TTC39C: variants seen among roughly 807,000 people sequenced by gnomAD.
TTC39C encodes the protein tetratricopeptide repeat protein 39C.
A neutral mutation model predicts 76.3 loss-of-function variants in TTC39C; 33 were observed. The ratio of observed to expected loss-of-function variants is 0.43; its 90% CI spans 0.33 to 0.58. TTC39C has a LOEUF of 0.58. Among genes scored for constraint, TTC39C ranks in the 20% least tolerant of loss-of-function variants. The probability of loss-of-function intolerance (pLI) is 0.04; values close to 1 mark genes in which losing one functional copy is unlikely to be tolerated. For missense variants in TTC39C, 595 were observed against 701.4 expected (o/e 0.85, Z 1.71); for synonymous variants, 254 against 260.6 (o/e 0.97, Z 0.24).
At chr18:24,022,903 C>T (rs1342734873) in intron 1 of TTC39C, 1 of 980,598 alleles carries the variant, frequency 1.0e-6, no homozygotes. Context: ...TTGTATGACT[C>T]CTCTGCACTC....
rs1156578816 is a variant in TTC39C, at chr18:24,045,927, A to ATT, written c.168-18185_168-18184dup. Reference sequence around the variant, plus strand: ...TATATATATATATATATATATATATATTTTTTTTTTTTTTTTTTTTTTTTT... The same window carrying ATT: ...TATATATATATATATATATATATATATTTTTTTTTTTTTTTTTTTTTTTTTTT... On this transcript the variant is annotated intron_variant, in intron 1 of 13. Coordinates refer to ENST00000317571, the MANE Select transcript of TTC39C (RefSeq NM_001135993.2). 1.1e-3 allele frequency among the ~76,000 whole-genome samples: 28 copies of ATT among 25,674 alleles called. 1 individual carries two copies. Among genetic ancestry groups the ATT allele is most frequent in the East Asian group, 4.0e-3 (3 of 748 alleles). The allele number at this position is 25,674 out of a possible 152,430, so 16.8% of individuals were successfully genotyped here.
chr18:24,084,810 C>A (rs73404259), intron 6 of TTC39C, among the ~76,000 whole-genome samples: 23,310 of 151,958 alleles, frequency 0.15, 2,923 homozygotes, highest in African/African-American at 0.34. Context: ...TACTGCTGTG[C>A]GACACCATGC....
intron 8 of TTC39C, among the ~76,000 whole-genome samples, chr18:24,120,441 G>A (rs2084951228): frequency 6.6e-6 from 1 of 152,184 alleles, no homozygotes; most frequent in Non-Finnish European, 1.5e-5. Context: ...AGAGGGCATG[G>A]GCATTCAGGG....
In TTC39C at chr18:24,091,521, C is replaced by G. The variant is rs185869451; in HGVS notation, c.984+8440C>G. Among the ~76,000 whole-genome samples the G allele has an allele frequency of 2.3e-4, 35 of 152,316 alleles. No homozygotes were observed. In the East Asian group the frequency reaches 3.9e-3, roughly 17 times the overall value. ...ACAAGAAAATTAACTCAAAGCGGAT[C>G]ATAGACCTAAATGTAAGATCTAAAA... On this transcript the variant is annotated intron_variant, in intron 6 of 13. Coordinates refer to ENST00000317571, the MANE Select transcript of TTC39C (RefSeq NM_001135993.2).
intron 7 of TTC39C, among the ~76,000 whole-genome samples, chr18:24,116,827 T>TG (rs1321955181): frequency 1.4e-5 from 2 of 145,834 alleles, no homozygotes; most frequent in Non-Finnish European, 3.0e-5. Flanking sequence ...TAGTTTTTTT[T>TG]TTTTTTTTTT....
At chr18:24,049,681 G>A (rs137901309) in intron 1 of TTC39C, among the ~76,000 whole-genome samples, 22 of 152,296 alleles carry the variant, frequency 1.4e-4, no homozygotes, top group East Asian at 7.7e-4. Flanking sequence ...GCTAGAGGCC[G>A]AGCAGGAACC....
intron 1 of TTC39C, among the ~76,000 whole-genome samples, chr18:24,024,353 C>T (rs918565827): frequency 6.6e-6 from 1 of 151,650 alleles, no homozygotes; most frequent in Non-Finnish European, 1.5e-5. Context: ...CACCTTTATC[C>T]GATGATAAAA....
intron 3 of TTC39C, among the ~76,000 whole-genome samples, chr18:24,067,748 C>G (rs1348624582): frequency 1.3e-5 from 2 of 152,126 alleles, no homozygotes; most frequent in African/African-American, 2.4e-5. Flanking sequence ...GAATGCTGCT[C>G]TAATTCATTG....
In TTC39C at chr18:24,006,212, T is replaced by A. The variant is rs1026853366; in HGVS notation, c.-17+13174T>A. Reference sequence around the variant, plus strand: ...ATTTTTTATAGAGTTGGGGTTTTGCTATGTTGCTCAGGCTGGTCTCAAACT... The same window carrying A: ...ATTTTTTATAGAGTTGGGGTTTTGCAATGTTGCTCAGGCTGGTCTCAAACT... On this transcript the variant is annotated intron_variant, in intron 1 of 13. Transcript: ENST00000304621. Among the ~76,000 whole-genome samples, 3 of 152,016 alleles carry A rather than the reference T, an allele frequency of 2.0e-5. No individual in the cohort carries two copies. In the South Asian group the frequency reaches 6.2e-4, roughly 32 times the overall value.
At chr18:24,028,247 G>C (rs1374213774) in intron 1 of TTC39C, among the ~76,000 whole-genome samples, 1 of 152,180 alleles carries the variant, frequency 6.6e-6, no homozygotes, top group East Asian at 1.9e-4. Context: ...TGCTGTGGTG[G>C]AATCTCAGAG....
At chr18:24,016,576 C>T (rs1462690751) in intron 1 of TTC39C, 4 of 396,770 alleles carry the variant, frequency 1.0e-5, no homozygotes, top group Middle Eastern at 6.3e-4. Flanking sequence ...TCTTTTTTAA[C>T]CCTTCTTTAG....
chr18:24,011,538 A>G (rs78758043), upstream of TTC39C, among the ~76,000 whole-genome samples: 1,809 of 152,332 alleles, frequency 0.012, 36 homozygotes, highest in African/African-American at 0.042. Flanking sequence ...TGTTGAAGCC[A>G]GGGATACAGC....
intron 1 of TTC39C, among the ~76,000 whole-genome samples, chr18:24,044,996 C>T (rs56162339): frequency 0.62 from 93,907 of 151,800 alleles, 33,067 homozygotes; most frequent in East Asian, 0.86. Flanking sequence ...GGGCCAGGTG[C>T]GGTGGCTCAC....
chr18:24,091,596 G>A (rs2084517154), intron 6 of TTC39C, among the ~76,000 whole-genome samples: 1 of 152,124 alleles, frequency 6.6e-6, no homozygotes, highest in South Asian at 2.1e-4. Flanking sequence ...GACACTAAAA[G>A]CACAATGACA....
rs562004008 is a variant in TTC39C at position 24,056,201 on chromosome 18, A to G, written c.168-7939A>G. ...CATTAAGAGCAGCAGGGGTGAGTACATGCAGTTTTTTCTTCAACCCTCAGA... is the reference window on the plus strand; with the variant it reads ...CATTAAGAGCAGCAGGGGTGAGTACGTGCAGTTTTTTCTTCAACCCTCAGA... On this transcript the variant is annotated intron_variant, in intron 1 of 13. Coordinates refer to ENST00000317571, the MANE Select transcript of TTC39C (RefSeq NM_001135993.2). Among the ~76,000 whole-genome samples, 11 of 152,174 alleles carry G rather than the reference A, an allele frequency of 7.2e-5. No homozygotes were observed. The South Asian group carries it at 1.4e-3, about 20-fold the overall frequency.
At chr18:24,122,311 G>C (rs992131361) in intron 8 of TTC39C, among the ~76,000 whole-genome samples, 1 of 151,862 alleles carries the variant, frequency 6.6e-6, no homozygotes, top group African/African-American at 2.4e-5. Flanking sequence ...GAGTACAAGA[G>C]GCCAATATGG....
intron 1 of TTC39C, among the ~76,000 whole-genome samples, chr18:24,028,705 A>AAC (rs1316655045): frequency 6.6e-6 from 1 of 152,142 alleles, no homozygotes; most frequent in Non-Finnish European, 1.5e-5. Context: ...AGAAGTCTGT[A>AAC]ATATTTTTAT....
chr18:24,080,434 T>C (rs896622819), intron 4 of TTC39C, 151 bp from the exon 5 acceptor site: 6 of 620,554 alleles, frequency 9.7e-6, no homozygotes, highest in Admixed American at 3.0e-5. Flanking sequence ...AAGTAAGCAC[T>C]ATAAGAACAC....
chr18:24,116,101 C>T (rs1568443412), intron 7 of TTC39C, among the ~76,000 whole-genome samples: 1 of 152,222 alleles, frequency 6.6e-6, no homozygotes, highest in African/African-American at 2.4e-5. Flanking sequence ...TTATTCCTGA[C>T]TTATTCCTGA....
Sources: allele counts gnomAD v4.1 joint callset (sites outside exome capture counted in the v4.1 genomes callset), GRCh38; gene constraint gnomAD v4.1.1; transcripts MANE v1.5; gene names NCBI Gene and HGNC (gene_info 2026-07-23, HGNC 2026-07-21).